Variants in TARS1 observed in about 807,000 individuals in gnomAD.
TARS1 encodes the protein threonine--tRNA ligase 1, cytoplasmic.
A neutral mutation model predicts 97.7 loss-of-function variants in TARS1; 57 were observed. That is an observed-to-expected ratio of 0.58 (90% CI 0.47 to 0.73). The LOEUF is 0.73. TARS1 is among the 30% of genes least tolerant of loss of function. The pLI is 0.00. For synonymous variants in TARS1, 312 were observed against 293.7 expected (o/e 1.06, Z -0.64); for missense variants, 806 against 888.3 (o/e 0.91, Z 1.18).
intron 17 of TARS1, 97 bp from the exon 18 acceptor site, chr5:33,466,774 C>T (rs1742546355): frequency 2.8e-6 from 2 of 719,208 alleles, no homozygotes; most frequent in African/African-American, 1.9e-5. Context: ...GGAAGTTCAT[C>T]CAAGAAGTCC....
chr5:33,460,503 T>C (rs1266247421), intron 11 of TARS1, among the ~76,000 whole-genome samples: 5 of 152,170 alleles, frequency 3.3e-5, no homozygotes, highest in African/African-American at 9.7e-5. Context: ...GAAGAACAGC[T>C]TAAGGGAAGA....
At chr5:33,452,202 T>C in intron 3 of TARS1, 1 of 674,972 alleles carries the variant, frequency 1.5e-6, no homozygotes, top group Non-Finnish European at 2.6e-6. Flanking sequence ...AGATTTACAG[T>C]GTAAAGGGTG....
chr5:33,462,861 C>T (rs565182453), intron 16 of TARS1, among the ~76,000 whole-genome samples: 9 of 152,234 alleles, frequency 5.9e-5, no homozygotes, highest in African/African-American at 1.9e-4. Flanking sequence ...TGTAAAATGA[C>T]GTACATTGGT....
chr5:33,442,765 A>G (rs13154531), intron 1 of TARS1, among the ~76,000 whole-genome samples: 30,795 of 149,574 alleles, frequency 0.21, 3,574 homozygotes, highest in East Asian at 0.5. Flanking sequence ...CGGCCTCCCA[A>G]AGTTCTTGGA....
intron 11 of TARS1, 130 bp downstream of exon 11, chr5:33,459,991 C>A: frequency 3.2e-5 from 28 of 869,748 alleles, no homozygotes; most frequent in Non-Finnish European, 4.6e-5. Context: ...AACGCAACAT[C>A]TTTGTATTAT....
At chr5:33,451,530 A>G (rs901153246) in intron 3 of TARS1, among the ~76,000 whole-genome samples, 5 of 151,814 alleles carry the variant, frequency 3.3e-5, no homozygotes, top group Non-Finnish European at 7.4e-5. Context: ...GCCCGCCACC[A>G]CGCCTGCCTA....
chr5:33,446,694 C>T lies in TARS1; in HGVS notation c.138+1290C>T, dbSNP rs186495721. The T allele has an allele frequency of 2.1e-4, 275 of 1,289,304 alleles. 1 individual carries two copies. In the African/African-American group the frequency reaches 3.6e-3, roughly 17 times the overall value. The allele number at this position is 1,289,304 out of a possible 1,614,324, so 79.9% of individuals were successfully genotyped here. On this transcript the variant is annotated intron_variant, in intron 2 of 18. Transcript: ENST00000265112. ...AATGAATGTTGAAGAGATTTTGACA[C>T]GAAATTCTAATTGGGACATTGCAAG...
Position 33,456,237 on chromosome 5 carries a change from G to C in TARS1, c.837+10G>C, listed in dbSNP as rs1742013741. 6.3e-7 allele frequency: 1 copy of C among 1,597,928 alleles called. No individual in the cohort carries two copies. Among genetic ancestry groups the C allele is most frequent in the African/African-American group, 1.3e-5 (1 of 74,608 alleles). On this transcript the variant is annotated intron_variant, in intron 8 of 18. Transcript: ENST00000265112. ...TTTAAAAATACACAAAGTAAGTAAT[G>C]TAACTTTAAAGACTGTGAATGTATC... is the stretch of plus-strand genomic sequence containing the variant.
At chr5:33,451,477 C>T (rs2111953381) in intron 3 of TARS1, among the ~76,000 whole-genome samples, 1 of 151,944 alleles carries the variant, frequency 6.6e-6, no homozygotes, top group Admixed American at 6.6e-5. Flanking sequence ...TGGGTTGACG[C>T]CATTCTCCTG....
At chr5:33,441,699 TG>T (rs5867189) in intron 1 of TARS1, 30,313 of 153,104 alleles carry the variant, frequency 0.2, 3,689 homozygotes, top group African/African-American at 0.34. Context: ...TCCCCGACTT[TG>T]AGGGCCTCAC....
chr5:33,461,882 A>G, intron 14 of TARS1, 24 bp from the exon 15 acceptor site: 1 of 1,606,694 alleles, frequency 6.2e-7, no homozygotes, highest in Non-Finnish European at 8.5e-7. Context: ...GGCATTTTAT[A>G]ATAACCCAGT....
chr5:33,463,773 G>A lies in TARS1; in HGVS notation c.1856G>A (p.Arg619His), dbSNP rs200082745. 2.6e-4 allele frequency: 425 copies of A among 1,612,238 alleles called. 4 individuals carry two copies. In the South Asian group the frequency reaches 4.0e-3, roughly 15 times the overall value. The change falls in exon 17 of 19, where the codon CGC becomes CAC. Residue 619 changes from arginine to histidine, a missense_variant. Transcript: ENST00000265112. ...GGKWPFWLSP[R>H]QVMVVPVGPT... ...CAAAGGCCCTTTTGGCTGTCCCCTC[G>A]CCAGGTAATGGTAGTTCCAGTGGGA...
chr5:33,457,635 G>A (rs1377218757), intron 9 of TARS1, among the ~76,000 whole-genome samples: 1 of 152,144 alleles, frequency 6.6e-6, no homozygotes, highest in Non-Finnish European at 1.5e-5. Context: ...TTTATTGAGA[G>A]CAAACACTGA....
In TARS1 at chr5:33,462,083, T is replaced by C. The variant is rs1398792479; in HGVS notation, c.1731-16T>C. The C allele has an allele frequency of 3.1e-6, 5 of 1,606,952 alleles. No individual in the cohort carries two copies. Among genetic ancestry groups the C allele is most frequent in the Non-Finnish European group, 4.2e-6 (5 of 1,177,322 alleles). ...ATATATATAATAAGACAAAACAATTTTTTTTTTCTTTATAGCCATGATGGT... is the reference window on the plus strand; with the variant it reads ...ATATATATAATAAGACAAAACAATTCTTTTTTTCTTTATAGCCATGATGGT... On this transcript the variant is annotated splice_polypyrimidine_tract_variant and intron_variant, in intron 15 of 18. Coordinates refer to ENST00000265112, the MANE Select transcript of TARS1 (RefSeq NM_152295.5).
At position 33,443,320 on chromosome 5, in the gene TARS1, C is replaced by G. The variant is rs4867512; in HGVS notation, c.58-2004C>G. On this transcript the variant is annotated intron_variant, in intron 1 of 18. Coordinates refer to ENST00000265112, the MANE Select transcript of TARS1 (RefSeq NM_152295.5). ...TGTGGTGATTCCCTCTCTCTCTCTC[C>G]CTCTCTCTCTCTCTCTCTCTCTCTC... Among the ~76,000 whole-genome samples, 5 of 118,486 alleles carry G rather than the reference C, an allele frequency of 4.2e-5. No homozygotes were observed. In the Admixed American group the frequency reaches 4.6e-4, roughly 11 times the overall value. The allele number at this position is 118,486 out of a possible 152,430, so 77.7% of individuals were successfully genotyped here.
chr5:33,455,555 G>T, intron 5 of TARS1, 32 bp from the exon 6 acceptor site: 1 of 1,419,858 alleles, frequency 7.0e-7, no homozygotes. Context: ...GATTCGAATG[G>T]AATGAAAAGA....
At chr5:33,443,022 C>G (rs1329593009) in intron 1 of TARS1, among the ~76,000 whole-genome samples, 2 of 152,114 alleles carry the variant, frequency 1.3e-5, no homozygotes, top group Non-Finnish European at 2.9e-5. Context: ...TCTGTAGCTT[C>G]TCTTCACAAT....
chr5:33,451,606 C>G (rs562038098), intron 3 of TARS1, among the ~76,000 whole-genome samples: 1 of 152,060 alleles, frequency 6.6e-6, no homozygotes, highest in African/African-American at 2.4e-5. Context: ...ATCTCCTGAC[C>G]TCGTGATCCA....
intron 8 of TARS1, 53 bp downstream of exon 8, chr5:33,456,280 T>A (rs372332872): frequency 1.5e-6 from 2 of 1,365,600 alleles, no homozygotes; most frequent in African/African-American, 2.9e-5. Context: ...AATAGATATA[T>A]GTTTAAACTT....
Sources: allele counts gnomAD v4.1 joint callset (sites outside exome capture counted in the v4.1 genomes callset), GRCh38; gene constraint gnomAD v4.1.1; transcripts MANE v1.5; gene names NCBI Gene and HGNC (gene_info 2026-07-23, HGNC 2026-07-21).